PCDH10: variants seen among roughly 807,000 people sequenced by gnomAD.
PCDH10 encodes protocadherin-10.
PCDH10 carries 15 observed loss-of-function variants against 74.4 expected under a neutral mutation model. The ratio of observed to expected loss-of-function variants is 0.20; its 90% confidence interval spans 0.13 to 0.31. The LOEUF (loss-of-function observed/expected upper bound fraction) is 0.31, where lower values mean the gene tolerates loss of function less well. Among genes scored for constraint, PCDH10 ranks in the 10% least tolerant of loss-of-function variants. The pLI, the probability that PCDH10 is intolerant of heterozygous loss-of-function variation, is 1.00. For missense variants in PCDH10, 1,260 were observed against 1,390.2 expected, an observed-to-expected ratio of 0.91 and a Z score of 1.49; for synonymous variants, 619 against 589.8, an observed-to-expected ratio of 1.05 and a Z score of -0.72.
intron 3 of PCDH10, among the ~76,000 whole-genome samples, chr4:133,162,012 T>C (rs1278743204): frequency 2.0e-5 from 3 of 152,212 alleles, no homozygotes; most frequent in Non-Finnish European, 2.9e-5. Flanking sequence ...TCTTATGCTT[T>C]GCTTAAGAAA....
intron 4 of PCDH10, chr4:133,163,931 G>A (rs749173019): frequency 1.2e-4 from 55 of 446,236 alleles, no homozygotes; most frequent in Admixed American, 3.3e-4. Flanking sequence ...GAAGTATAAC[G>A]TGAAAAGCAA....
chr4:133,185,885 T>A (rs1409683234), intron 4 of PCDH10, among the ~76,000 whole-genome samples: 3 of 152,304 alleles, frequency 2.0e-5, no homozygotes, highest in African/African-American at 7.2e-5. Context: ...AATATTCAAT[T>A]TATTAAATTG....
intron 4 of PCDH10, among the ~76,000 whole-genome samples, chr4:133,181,468 G>A (rs1346784663): frequency 2.0e-5 from 3 of 152,070 alleles, no homozygotes; most frequent in African/African-American, 7.2e-5. Context: ...CCTGAGGACA[G>A]CATTGCCAGA....
At position 133,150,659 on chromosome 4, in the gene PCDH10, C is replaced by G; in HGVS notation, c.519C>G (p.Thr173=). ...GCTACTTCTCCCTGGACGTGCAGAC[C>G]CAGGGGGATGGCAACCGATTCGCTG... ...PNSYFSLDVQ[T]QGDGNRFAEL... The change falls in exon 1 of 5, where the codon ACC becomes ACG. Residue 173 remains threonine, a synonymous_variant. Coordinates refer to ENST00000264360, the MANE Select transcript of PCDH10 (RefSeq NM_032961.3). The G allele has an allele frequency of 1.2e-6, 2 of 1,613,084 alleles. No homozygotes were observed. The highest frequency in any genetic ancestry group is 1.7e-6 in the Non-Finnish European group (2 of 1,179,938).
chr4:133,169,553 A>C (rs1727160841), intron 4 of PCDH10, among the ~76,000 whole-genome samples: 1 of 151,806 alleles, frequency 6.6e-6, no homozygotes, highest in Admixed American at 6.6e-5. Context: ...CCTCTTTCTT[A>C]TTTTGTACAT....
chr4:133,164,950 C>A (rs565211209), intron 4 of PCDH10, among the ~76,000 whole-genome samples: 8 of 147,308 alleles, frequency 5.4e-5, no homozygotes, highest in Non-Finnish European at 9.0e-5. Context: ...TATATATATT[C>A]ATATATATAC....
intron 3 of PCDH10, among the ~76,000 whole-genome samples, chr4:133,161,327 G>T (rs1265456608): frequency 6.6e-6 from 1 of 152,006 alleles, no homozygotes; most frequent in Non-Finnish European, 1.5e-5. Flanking sequence ...AAGAAGCTTG[G>T]TGTTACTTTT....
intron 4 of PCDH10, among the ~76,000 whole-genome samples, chr4:133,189,931 A>G (rs1727624482): frequency 6.6e-6 from 1 of 152,118 alleles, no homozygotes; most frequent in Non-Finnish European, 1.5e-5. Context: ...ATGCAAAACT[A>G]ATTTATAAGA....
chr4:133,199,816 A>G (rs926033716), intron 2 of PCDH10, among the ~76,000 whole-genome samples: 2 of 146,884 alleles, frequency 1.4e-5, no homozygotes, highest in Non-Finnish European at 3.0e-5. Context: ...TATTATTTTC[A>G]AGACGGAGTC....
At position 133,151,774 on chromosome 4, in the gene PCDH10, C is replaced by T; in HGVS notation, c.1634C>T (p.Ala545Val). The change falls in exon 1 of 5, where the codon GCC (alanine) becomes GTC (valine). Residue 545 changes from alanine (A) to valine (V), a missense_variant. Transcript: ENST00000264360. ...AAGGACTTCAGTTTTCAGGTGGAAG[C>T]CCGGGACGCTGGCAGCCCCCAGGCG... ...QLKDFSFQVE[A>V]RDAGSPQALA... 1 of 1,613,124 alleles carries T rather than the reference C, an allele frequency of 6.2e-7. No homozygotes were observed. Among genetic ancestry groups the T allele is most frequent in the Non-Finnish European group, 8.5e-7 (1 of 1,180,054 alleles).
intron 4 of PCDH10, 148 bp downstream of exon 4, chr4:133,163,430 A>G: frequency 1.6e-6 from 1 of 626,268 alleles, no homozygotes; most frequent in Non-Finnish European, 2.7e-6. Flanking sequence ...TTAGGGCAAT[A>G]TTCTTTATTT....
intron 4 of PCDH10, among the ~76,000 whole-genome samples, chr4:133,187,747 G>C (rs1727573228): frequency 6.6e-6 from 1 of 152,022 alleles, no homozygotes; most frequent in Non-Finnish European, 1.5e-5. Flanking sequence ...AAGATATTGA[G>C]TATAATGTGT....
At chr4:133,202,657 A>G (rs192269754) in intron 2 of PCDH10, among the ~76,000 whole-genome samples, 1 of 152,272 alleles carries the variant, frequency 6.6e-6, no homozygotes, top group African/African-American at 2.4e-5. Flanking sequence ...GAAAATGTAC[A>G]GAAGAAGCCA....
At chr4:133,173,586 G>A (rs904437727) in intron 4 of PCDH10, among the ~76,000 whole-genome samples, 2 of 151,986 alleles carry the variant, frequency 1.3e-5, no homozygotes, top group Non-Finnish European at 2.9e-5. Flanking sequence ...GCAAAGGAGG[G>A]AAAGGTTCAA....
intron 3 of PCDH10, among the ~76,000 whole-genome samples, chr4:133,160,880 T>C (rs1441860080): frequency 6.6e-6 from 1 of 151,964 alleles, no homozygotes; most frequent in Non-Finnish European, 1.5e-5. Flanking sequence ...TTAAAGACGT[T>C]TCTACTATTA....
chr4:133,150,480 G>A lies in PCDH10; in HGVS notation c.340G>A (p.Asp114Asn). ...ELFQVEIEVLDINDNPPSFPE... is the reference protein window; with the variant it reads ...ELFQVEIEVLNINDNPPSFPE... ...GTTCCAGGTGGAGATCGAGGTGCTG[G>A]ACATTAATGACAACCCCCCCTCTTT... is the stretch of plus-strand genomic sequence containing the variant. Residue 114 changes from aspartate to asparagine, a missense_variant, in exon 1 of 5, where the codon GAC becomes AAC. Physicochemically the swap from Asp to Asn is conservative, Grantham distance 23. Coordinates refer to ENST00000264360, the MANE Select transcript of PCDH10 (RefSeq NM_032961.3). 1 of 1,608,304 alleles carries A rather than the reference G, an allele frequency of 6.2e-7. No homozygotes were observed. The highest frequency in any genetic ancestry group is 2.2e-5 in the East Asian group (1 of 44,614).
chr4:133,152,977 A>G (rs1726774556), intron 1 of PCDH10: 2 of 1,444,042 alleles, frequency 1.4e-6, no homozygotes, highest in Admixed American at 2.9e-5. Flanking sequence ...TTTCACATTT[A>G]TTTTCATTCC....
chr4:133,167,017 A>G (rs2125864951), intron 4 of PCDH10, among the ~76,000 whole-genome samples: 1 of 151,602 alleles, frequency 6.6e-6, no homozygotes, highest in Admixed American at 6.6e-5. Flanking sequence ...CATATTATAC[A>G]ACATTTAGAC....
At position 133,152,012 on chromosome 4, in the gene PCDH10, C is replaced by T. The variant is rs540013540; in HGVS notation, c.1872C>T (p.Asn624=). 11 of 1,612,746 alleles carry T rather than the reference C, an allele frequency of 6.8e-6. No individual in the cohort carries two copies. The East Asian group carries it at 2.2e-4, about 33-fold the overall frequency. ...TCACTTACAGCATCGTGCGTGGCAA[C>T]GAAATGAACCTCTTTCGCATGGACT... ...ARLTYSIVRG[N]EMNLFRMDWR... Residue 624 remains asparagine (N), a synonymous_variant, in exon 1 of 5, where the codon AAC becomes AAT. Transcript: ENST00000264360.
Sources: allele counts gnomAD v4.1 joint callset (sites outside exome capture counted in the v4.1 genomes callset), GRCh38; gene constraint gnomAD v4.1.1; transcripts MANE v1.5; gene names NCBI Gene and HGNC (gene_info 2026-07-23, HGNC 2026-07-21).